Variants in TRAK1 observed in about 807,000 individuals in gnomAD.
The protein encoded by TRAK1 is trafficking kinesin-binding protein 1.
TRAK1 carries 33 observed loss-of-function variants against 92.1 expected under a neutral mutation model. That is an observed-to-expected ratio of 0.36 (90% CI 0.27 to 0.48). The LOEUF (loss-of-function observed/expected upper bound fraction) is 0.48, where lower values mean the gene tolerates loss of function less well. Among genes scored for constraint, TRAK1 ranks in the 20% least tolerant of loss-of-function variants. The probability of loss-of-function intolerance (pLI) is 0.99; values close to 1 mark genes in which losing one functional copy is unlikely to be tolerated. For missense variants in TRAK1, 1,123 were observed against 1,257.9 expected (o/e 0.89, Z 1.62); for synonymous variants, 521 against 517.3 (o/e 1.01, Z -0.10).
At chr3:42,196,407 A>G (rs1308980189) in intron 10 of TRAK1, among the ~76,000 whole-genome samples, 1 of 152,286 alleles carries the variant, frequency 6.6e-6, no homozygotes, top group South Asian at 2.1e-4. Flanking sequence ...CTGTGAAATT[A>G]GTTCCTAATT....
At chr3:42,214,160 C>T (rs1482815589) in intron 14 of TRAK1, among the ~76,000 whole-genome samples, 2 of 152,174 alleles carry the variant, frequency 1.3e-5, no homozygotes, top group Non-Finnish European at 2.9e-5. Flanking sequence ...ACAGAGGGCC[C>T]CCTGGTGCTC....
intron 2 of TRAK1, among the ~76,000 whole-genome samples, chr3:42,137,531 A>T (rs1559818407): frequency 6.6e-6 from 1 of 152,246 alleles, no homozygotes; most frequent in Non-Finnish European, 1.5e-5. Context: ...TTATGTGAAT[A>T]TGGCATATCA....
At chr3:42,043,933 TAAAAC>T (rs1450023207) in intron 1 of TRAK1, among the ~76,000 whole-genome samples, 2 of 152,180 alleles carry the variant, frequency 1.3e-5, no homozygotes, top group African/African-American at 4.8e-5. Context: ...TTATTATAAA[TAAAAC>T]AAAATTATTT....
At chr3:42,023,863 C>T (rs1321873499) in intron 1 of TRAK1, among the ~76,000 whole-genome samples, 2 of 147,522 alleles carry the variant, frequency 1.4e-5, no homozygotes, top group African/African-American at 5.0e-5. Context: ...AAGCAATTCT[C>T]CTGCCTCAGC....
At chr3:42,023,834 G>C (rs1033077122) in intron 1 of TRAK1, among the ~76,000 whole-genome samples, 2 of 139,446 alleles carry the variant, frequency 1.4e-5, no homozygotes, top group African/African-American at 5.4e-5. Context: ...GCTCACTGCA[G>C]CCTCCGTCTC....
At chr3:42,160,152 C>T (rs953704998) in intron 2 of TRAK1, 6 of 1,311,294 alleles carry the variant, frequency 4.6e-6, no homozygotes, top group Non-Finnish European at 5.8e-6. Flanking sequence ...GGAGCCACCC[C>T]CTTCCGGGTC....
chr3:42,013,646 C>A (rs1376043135), upstream of TRAK1, among the ~76,000 whole-genome samples: 1 of 147,046 alleles, frequency 6.8e-6, no homozygotes. The surrounding 1 kb of genome is among the most constrained non-coding windows in gnomAD (Gnocchi z 5.1). Flanking sequence ...GCCGCCCGCT[C>A]GCGGGGGAGC....
chr3:42,200,573 T>A (rs1312556700), intron 11 of TRAK1, among the ~76,000 whole-genome samples: 1 of 152,204 alleles, frequency 6.6e-6, no homozygotes, highest in Non-Finnish European at 1.5e-5. Context: ...CTTGCTGGCA[T>A]CACCTTTAGG....
chr3:42,159,528 C>A (rs1327316024), intron 2 of TRAK1, among the ~76,000 whole-genome samples: 4 of 152,180 alleles, frequency 2.6e-5, no homozygotes, highest in Non-Finnish European at 4.4e-5. Context: ...GGCAACTTTG[C>A]AAGCTATTAG....
chr3:42,043,427 C>T (rs190510425), intron 1 of TRAK1, among the ~76,000 whole-genome samples: 2 of 152,060 alleles, frequency 1.3e-5, no homozygotes, highest in South Asian at 2.1e-4. Flanking sequence ...GTCCCCTCCT[C>T]CTGACCCCTG....
At chr3:42,039,540 T>C (rs1203429886) in intron 1 of TRAK1, among the ~76,000 whole-genome samples, 3 of 152,174 alleles carry the variant, frequency 2.0e-5, no homozygotes, top group Non-Finnish European at 2.9e-5. Flanking sequence ...ATTTTTGTAT[T>C]TTTAGTAGAG....
chr3:42,042,644 T>C (rs936291315), intron 1 of TRAK1, among the ~76,000 whole-genome samples: 2 of 150,932 alleles, frequency 1.3e-5, no homozygotes, highest in African/African-American at 5.0e-5. Flanking sequence ...GTGCTGGGAT[T>C]ACAGGTGTGA....
At chr3:42,128,669 C>G (rs1055937071) in intron 2 of TRAK1, among the ~76,000 whole-genome samples, 2 of 152,182 alleles carry the variant, frequency 1.3e-5, no homozygotes, top group African/African-American at 4.8e-5. Context: ...CACACATAGG[C>G]ACAGTGGTAT....
chr3:42,148,361 T>C (rs1699577549), intron 2 of TRAK1, among the ~76,000 whole-genome samples: 1 of 152,226 alleles, frequency 6.6e-6, no homozygotes, highest in Non-Finnish European at 1.5e-5. Context: ...GAGACCCTGC[T>C]TTAGGGAATG....
At chr3:42,053,362 A>T (rs1703057645) in intron 1 of TRAK1, among the ~76,000 whole-genome samples, 2 of 70,866 alleles carry the variant, frequency 2.8e-5, no homozygotes, top group African/African-American at 5.9e-5. Context: ...CTGCAGTCCC[A>T]TTCAGAGTCG....
chr3:42,178,886 G>T (rs1401805792), intron 3 of TRAK1, among the ~76,000 whole-genome samples: 1 of 152,014 alleles, frequency 6.6e-6, no homozygotes, highest in Non-Finnish European at 1.5e-5. Context: ...GAGGTAGGAG[G>T]ATCGCTTGAG....
At chr3:42,193,367 A>G (rs955540986) in intron 8 of TRAK1, among the ~76,000 whole-genome samples, 162 bp downstream of exon 8, 3 of 152,208 alleles carry the variant, frequency 2.0e-5, no homozygotes, top group Admixed American at 2.0e-4. Context: ...AAAACTGATT[A>G]CCTGAATTGG....
In TRAK1 at chr3:42,160,371, C is replaced by T. The variant is rs369997765; in HGVS notation, c.287-16443C>T. The T allele has an allele frequency of 1.1e-5, 17 of 1,613,946 alleles. No individual in the cohort carries two copies. In the African/African-American group the frequency reaches 1.1e-4, roughly 10 times the overall value. On this transcript the variant is annotated intron_variant, in intron 2 of 15. Coordinates refer to ENST00000327628, the MANE Select transcript of TRAK1 (RefSeq NM_001042646.3). ...TGGGGTGACTTCAGCAATGTCCCTGCGAGACAAGGGCGGGGAAGAAGAATG... is the reference window on the plus strand; with the variant it reads ...TGGGGTGACTTCAGCAATGTCCCTGTGAGACAAGGGCGGGGAAGAAGAATG...
chr3:42,160,121 CG>C, intron 2 of TRAK1: 5 of 1,233,282 alleles, frequency 4.1e-6, no homozygotes, highest in Non-Finnish European at 5.1e-6. Flanking sequence ...CACCCCACCC[CG>C]CCCCTCCTCC....
Sources: allele counts gnomAD v4.1 joint callset (sites outside exome capture counted in the v4.1 genomes callset), GRCh38; gene constraint gnomAD v4.1.1; non-coding constraint Gnocchi (gnomAD v3.1); transcripts MANE v1.5; gene names NCBI Gene and HGNC (gene_info 2026-07-23, HGNC 2026-07-21).